CELF2: variants seen among roughly 807,000 people sequenced by gnomAD.
CELF2 encodes the protein CUGBP Elav-like family member 2.
In CELF2, 8 loss-of-function variants were observed where a neutral mutation model predicts 62.6. The observed-to-expected ratio is 0.13, with a 90% CI of 0.07 to 0.23. CELF2 has a LOEUF of 0.23. CELF2 is among the 10% of genes least tolerant of loss of function. CELF2 has a pLI of 1.00. For synonymous variants in CELF2, 258 were observed against 250.0 expected (o/e 1.03, Z -0.30); for missense variants, 333 against 671.0 (o/e 0.50, Z 5.56).
At position 11,039,925 on chromosome 10, in the gene CELF2, A is replaced by G. The variant is rs2139403722; in HGVS notation, c.74+21762A>G. ...TGTTTGTTTTTGTCAAGCTAATATT[A>G]TTTACAAAAACCATCCCAAGGACTG... On this transcript the variant is annotated intron_variant, in intron 1 of 12. Coordinates refer to ENST00000633077, the MANE Select transcript of CELF2 (RefSeq NM_001326342.2). This position sits in a 1 kb window ranked among gnomAD's most constrained non-coding sequence, Gnocchi z 4.1. 6.6e-6 allele frequency among the ~76,000 whole-genome samples: 1 copy of G among 152,280 alleles called. No homozygotes were observed. The highest frequency in any genetic ancestry group is 3.4e-3 in the Middle Eastern group (1 of 294).
At chr10:10,553,527 A>G in the CELF2 span, among the ~76,000 whole-genome samples, 68 of 152,178 alleles carry the variant, frequency 4.5e-4, no homozygotes, top group Non-Finnish European at 1.9e-4. Flanking sequence ...AACTCAGTCC[A>G]CAGCACCTTA....
chr10:10,635,965 C>T, the CELF2 span, among the ~76,000 whole-genome samples: 24 of 152,256 alleles, frequency 1.6e-4, no homozygotes, highest in African/African-American at 5.1e-4. Context: ...CCTTCTTTCC[C>T]TGAACCCATT....
At chr10:11,152,413 TAA>T (rs549462786) in intron 1 of CELF2, among the ~76,000 whole-genome samples, 6 of 143,562 alleles carry the variant, frequency 4.2e-5, no homozygotes, top group East Asian at 2.0e-4. Context: ...AGTTGTTAAA[TAA>T]AAAAAAAAAA....
intron 1 of CELF2, among the ~76,000 whole-genome samples, chr10:10,819,088 A>T (rs1383760161): frequency 6.6e-6 from 1 of 152,188 alleles, no homozygotes; most frequent in African/African-American, 2.4e-5. Context: ...AATTCTGGGT[A>T]AATTCTTGAC....
At chr10:10,986,015 T>C (rs1203975582) in intron 2 of CELF2, among the ~76,000 whole-genome samples, 1 of 152,194 alleles carries the variant, frequency 6.6e-6, no homozygotes, top group Non-Finnish European at 1.5e-5. Flanking sequence ...GAGATGAAAA[T>C]AAACACTGAA....
intron 1 of CELF2, among the ~76,000 whole-genome samples, chr10:10,839,838 C>T (rs961171709): frequency 8.5e-5 from 13 of 152,222 alleles, no homozygotes; most frequent in Non-Finnish European, 1.5e-5. Flanking sequence ...AATAGTTTCA[C>T]TGCCCTAAAA....
rs796119775 is a variant in CELF2 at position 11,024,028 on chromosome 10, T to G, written c.74+5865T>G. Among the ~76,000 whole-genome samples the G allele has an allele frequency of 1.8e-4, 28 of 152,332 alleles. 1 individual carries two copies. Among genetic ancestry groups the G allele is most frequent in the African/African-American group, 6.7e-4 (28 of 41,570 alleles). On this transcript the variant is annotated intron_variant, in intron 1 of 12. Transcript: ENST00000633077. ...ATAACCAGCAAATTATTAGACCCAT[T>G]TTTTTTCCTCCTAAAGATTTATGTA...
At chr10:11,032,517 G>T (rs1162877587) in intron 1 of CELF2, among the ~76,000 whole-genome samples, 1 of 152,206 alleles carries the variant, frequency 6.6e-6, no homozygotes, top group Non-Finnish European at 1.5e-5. Flanking sequence ...CTAAGGAACT[G>T]TTTAATGAAA....
intron 1 of CELF2, among the ~76,000 whole-genome samples, chr10:10,912,867 C>T (rs897113901): frequency 2.0e-5 from 3 of 152,150 alleles, no homozygotes; most frequent in African/African-American, 7.2e-5. Flanking sequence ...GCCTGCATGG[C>T]CTTGGGAAGT....
At chr10:11,212,078 G>T (rs1304698022) in intron 2 of CELF2, among the ~76,000 whole-genome samples, 1 of 152,134 alleles carries the variant, frequency 6.6e-6, no homozygotes, top group East Asian at 1.9e-4. Flanking sequence ...ATCCATGATG[G>T]CATAATCATA....
the CELF2 span, among the ~76,000 whole-genome samples, chr10:10,694,497 G>C: frequency 6.6e-6 from 1 of 152,136 alleles, no homozygotes; most frequent in Non-Finnish European, 1.5e-5. Context: ...TGTTGATTTG[G>C]GGTGGAGAGT....
Position 11,244,369 on chromosome 10 carries a change from A to C in CELF2, c.355-4784A>C, listed in dbSNP as rs868684432. On this transcript the variant is annotated intron_variant, in intron 3 of 12. Transcript: ENST00000633077. The surrounding 1 kb of genome is among the most constrained non-coding windows in gnomAD (Gnocchi z 4.2). Reference sequence around the variant, plus strand: ...GTGAATGTTCTTTTTAACAACTTCCATTGGCCGGGCGTGGTGGCTCACGCC... The same window carrying C: ...GTGAATGTTCTTTTTAACAACTTCCCTTGGCCGGGCGTGGTGGCTCACGCC... Among the ~76,000 whole-genome samples the C allele has an allele frequency of 2.1e-4, 32 of 152,310 alleles. No individual in the cohort carries two copies. Among genetic ancestry groups the C allele is most frequent in the South Asian group, 1.7e-3 (8 of 4,828 alleles).
intron 2 of CELF2, chr10:10,937,554 G>A (rs993017059): frequency 6.6e-6 from 1 of 152,150 alleles, no homozygotes; most frequent in Non-Finnish European, 1.5e-5. Flanking sequence ...TAAAACAGCT[G>A]TGGAATCCTG....
chr10:10,557,767 T>C, the CELF2 span, among the ~76,000 whole-genome samples: 4 of 145,634 alleles, frequency 2.7e-5, no homozygotes, highest in African/African-American at 1.0e-4. Context: ...GTAAGTTGGA[T>C]TCCTAGGTAT....
chr10:10,604,491 G>A, the CELF2 span, among the ~76,000 whole-genome samples: 1 of 152,158 alleles, frequency 6.6e-6, no homozygotes. Context: ...CATTGTATAG[G>A]CTATGGTGAG....
chr10:10,695,523 G>T, the CELF2 span, among the ~76,000 whole-genome samples: 1 of 150,842 alleles, frequency 6.6e-6, no homozygotes, highest in African/African-American at 2.4e-5. Flanking sequence ...TTGTGGCGTT[G>T]TCTGTATTTC....
the CELF2 span, among the ~76,000 whole-genome samples, chr10:10,494,634 G>C: frequency 6.6e-6 from 1 of 152,160 alleles, no homozygotes; most frequent in African/African-American, 2.4e-5. Context: ...GACACCCTCA[G>C]CATAATCTTC....
chr10:10,883,152 A>G (rs1440520159), intron 1 of CELF2, among the ~76,000 whole-genome samples: 3 of 152,220 alleles, frequency 2.0e-5, no homozygotes, highest in Non-Finnish European at 4.4e-5. Flanking sequence ...TAACAGACCC[A>G]TGTATATCCA....
intron 1 of CELF2, among the ~76,000 whole-genome samples, chr10:10,822,239 A>G (rs972169809): frequency 2.0e-5 from 3 of 152,218 alleles, no homozygotes; most frequent in Non-Finnish European, 4.4e-5. Flanking sequence ...TACAGGGGCC[A>G]TGCCGCCCTG....
Sources: allele counts gnomAD v4.1 joint callset (sites outside exome capture counted in the v4.1 genomes callset), GRCh38; gene constraint gnomAD v4.1.1; non-coding constraint Gnocchi (gnomAD v3.1); transcripts MANE v1.5; gene names NCBI Gene and HGNC (gene_info 2026-07-23, HGNC 2026-07-21).